Variants in MAP3K5 observed in about 807,000 individuals in gnomAD.
The protein encoded by MAP3K5 is ASK-1.
A neutral mutation model predicts 158.7 loss-of-function variants in MAP3K5; 56 were observed. That is an observed-to-expected ratio of 0.35 (90% CI 0.28 to 0.44). The LOEUF (loss-of-function observed/expected upper bound fraction) is 0.44. MAP3K5 is among the 20% of genes least tolerant of loss of function. The pLI is 1.00. For synonymous variants in MAP3K5, 579 were observed against 601.7 expected, an observed-to-expected ratio of 0.96 and a Z score of 0.55; for missense variants, 1,294 against 1,674.8, an observed-to-expected ratio of 0.77 and a Z score of 3.97.
intron 26 of MAP3K5, among the ~76,000 whole-genome samples, chr6:136,566,650 C>CA (rs1455148214): frequency 2.6e-5 from 4 of 152,190 alleles, no homozygotes; most frequent in Non-Finnish European, 4.4e-5. Flanking sequence ...ATATGAAAGT[C>CA]AGAGAGGCAA....
intron 11 of MAP3K5, among the ~76,000 whole-genome samples, chr6:136,645,255 T>C (rs1052861550): frequency 2.0e-5 from 3 of 152,208 alleles, no homozygotes; most frequent in African/African-American, 7.2e-5. Flanking sequence ...TAATATGAAA[T>C]ACCATTTCTT....
At chr6:136,628,849 A>T (rs1777171488) in intron 14 of MAP3K5, among the ~76,000 whole-genome samples, 1 of 152,236 alleles carries the variant, frequency 6.6e-6, no homozygotes, top group Non-Finnish European at 1.5e-5. Context: ...AAAGATAGAA[A>T]TTGAAATGGC....
intron 1 of MAP3K5, among the ~76,000 whole-genome samples, chr6:136,745,252 T>C (rs2114896497): frequency 1.3e-5 from 2 of 151,948 alleles, no homozygotes; most frequent in South Asian, 4.2e-4. Flanking sequence ...TGACTATTTT[T>C]CCCTTTCCTA....
At chr6:136,567,101 A>C (rs527596535) in intron 26 of MAP3K5, among the ~76,000 whole-genome samples, 1 of 152,346 alleles carries the variant, frequency 6.6e-6, no homozygotes, top group African/African-American at 2.4e-5. Context: ...ATGCTAGCAA[A>C]TTATCAAAGG....
intron 23 of MAP3K5, among the ~76,000 whole-genome samples, chr6:136,587,323 G>C (rs1312132884): frequency 6.6e-6 from 1 of 152,128 alleles, no homozygotes; most frequent in Non-Finnish European, 1.5e-5. Flanking sequence ...AAAGATATTA[G>C]ATAACTATTA....
At chr6:136,762,607 G>A (rs1435724804) in intron 1 of MAP3K5, among the ~76,000 whole-genome samples, 3 of 152,200 alleles carry the variant, frequency 2.0e-5, no homozygotes, top group African/African-American at 7.2e-5. Flanking sequence ...CTAAAGCCAA[G>A]TGGAATTAAA....
intron 25 of MAP3K5, among the ~76,000 whole-genome samples, chr6:136,571,161 G>C (rs2129071239): frequency 6.6e-6 from 1 of 152,270 alleles, no homozygotes. Flanking sequence ...AAAAACCCCA[G>C]ACTCAGCATC....
chr6:136,607,833 C>T (rs1216697876), intron 18 of MAP3K5, among the ~76,000 whole-genome samples: 1 of 152,172 alleles, frequency 6.6e-6, no homozygotes, highest in African/African-American at 2.4e-5. Flanking sequence ...AATACCTGGG[C>T]TTATGTTTTT....
intron 10 of MAP3K5, among the ~76,000 whole-genome samples, chr6:136,652,182 C>T (rs1233164462): frequency 6.6e-6 from 1 of 152,134 alleles, no homozygotes; most frequent in African/African-American, 2.4e-5. Flanking sequence ...AGAAAGCAGG[C>T]ACAAGAATCT....
intron 6 of MAP3K5, 120 bp downstream of exon 6, chr6:136,695,831 C>A: frequency 1.8e-6 from 1 of 542,398 alleles, no homozygotes; most frequent in East Asian, 3.0e-5. Flanking sequence ...AGCAGATATG[C>A]TAATATTACA....
At chr6:136,626,139 G>A (rs9389417) in intron 14 of MAP3K5, among the ~76,000 whole-genome samples, 12,416 of 152,184 alleles carry the variant, frequency 0.082, 1,245 homozygotes, top group East Asian at 0.23. Flanking sequence ...AGAGGATGGG[G>A]CTGGGGTGGA....
chr6:136,656,605 ATAT>A, intron 9 of MAP3K5, 145 bp from the exon 10 acceptor site: 1 of 579,842 alleles, frequency 1.7e-6, no homozygotes, highest in Non-Finnish European at 3.0e-6. Context: ...TATTTGTTGC[ATAT>A]CGTGTGTTTT....
intron 1 of MAP3K5, among the ~76,000 whole-genome samples, chr6:136,743,338 T>A (rs1782794314): frequency 6.6e-6 from 1 of 151,558 alleles, no homozygotes; most frequent in Non-Finnish European, 1.5e-5. Flanking sequence ...TAGTCCCAGC[T>A]ACTCGGGAGG....
intron 12 of MAP3K5, among the ~76,000 whole-genome samples, chr6:136,642,276 T>C (rs755557681): frequency 1.7e-4 from 26 of 152,224 alleles, no homozygotes; most frequent in East Asian, 3.9e-4. Flanking sequence ...ATAGTTCACA[T>C]TGACCCCACA....
At chr6:136,684,674 C>G (rs1487325798) in intron 7 of MAP3K5, among the ~76,000 whole-genome samples, 1 of 152,104 alleles carries the variant, frequency 6.6e-6, no homozygotes, top group Non-Finnish European at 1.5e-5. Flanking sequence ...AGCTTCTCAC[C>G]CTCTCTGCTG....
Position 136,557,167 on chromosome 6 carries a change from C to T in MAP3K5, c.*591G>A, listed in dbSNP as rs1830289707. 1 of 152,958 alleles carries T rather than the reference C, an allele frequency of 6.5e-6. No homozygotes were observed. Among genetic ancestry groups the T allele is most frequent in the South Asian group, 2.1e-4 (1 of 4,854 alleles). The allele number at this position is 152,958 out of a possible 1,614,324, so 9.5% of individuals were successfully genotyped here. A position where few individuals can be genotyped will look rare whatever the true frequency, so the allele number is the denominator to read the frequency against. On this transcript the variant is annotated 3_prime_UTR_variant, in exon 30 of 30. Transcript: ENST00000359015. ...GTACAGTTCAGTAGTACATAAACGA[C>T]TCAAACAAATGTACGACAGGTCAGA...
chr6:136,773,186 G>T (rs2115013151), intron 1 of MAP3K5, among the ~76,000 whole-genome samples: 1 of 152,284 alleles, frequency 6.6e-6, no homozygotes, highest in South Asian at 2.1e-4. Context: ...TAACACCTGA[G>T]CCCACAAAGG....
chr6:136,608,121 C>A (rs1156311467), intron 18 of MAP3K5, among the ~76,000 whole-genome samples: 1 of 152,026 alleles, frequency 6.6e-6, no homozygotes, highest in East Asian at 1.9e-4. Flanking sequence ...TGCCTGCTGT[C>A]ATGGAGGAAA....
intron 23 of MAP3K5, among the ~76,000 whole-genome samples, chr6:136,590,544 C>CTT (rs755166871): frequency 2.1e-5 from 3 of 142,422 alleles, no homozygotes; most frequent in Admixed American, 7.0e-5. Context: ...TTTTCTTTTT[C>CTT]TTTTTTTTTT....
Sources: allele counts gnomAD v4.1 joint callset (sites outside exome capture counted in the v4.1 genomes callset), GRCh38; gene constraint gnomAD v4.1.1; transcripts MANE v1.5; gene names NCBI Gene and HGNC (gene_info 2026-07-23, HGNC 2026-07-21).